Variants in KMO observed in about 807,000 individuals in gnomAD.
KMO encodes kynurenine 3-hydroxylase.
In KMO, 24 loss-of-function variants were observed where a neutral mutation model predicts 57.8. That is an observed-to-expected ratio of 0.42 (90% confidence interval 0.30 to 0.58). The LOEUF is 0.58. Ranked by LOEUF, KMO falls within the 20% of genes least tolerant of loss-of-function variation. The pLI is 0.22. For missense variants in KMO, 483 were observed against 588.2 expected, an observed-to-expected ratio of 0.82 and a Z score of 1.85; for synonymous variants, 210 against 193.6, an observed-to-expected ratio of 1.08 and a Z score of -0.70.
At chr1:241,574,392 T>C (rs891771397) in intron 10 of KMO, among the ~76,000 whole-genome samples, 1 of 152,126 alleles carries the variant, frequency 6.6e-6, no homozygotes, top group Admixed American at 6.5e-5. Context: ...CAGTATGATG[T>C]TGGCTGTGGA....
intron 14 of KMO, among the ~76,000 whole-genome samples, chr1:241,590,523 T>C (rs1206030171): frequency 1.3e-5 from 2 of 152,194 alleles, no homozygotes; most frequent in East Asian, 1.9e-4. Flanking sequence ...TTTACTTTAT[T>C]TTAGCAAGAT....
intron 5 of KMO, among the ~76,000 whole-genome samples, chr1:241,559,914 A>G (rs189116387): frequency 2.0e-5 from 3 of 152,264 alleles, no homozygotes; most frequent in Admixed American, 1.3e-4. Context: ...TCATCTCTGA[A>G]GTCTATTCCA....
chr1:241,549,225 G>GAA (rs1442252798), intron 2 of KMO, among the ~76,000 whole-genome samples: 2 of 9,454 alleles, frequency 2.1e-4, no homozygotes, highest in Non-Finnish European at 1.1e-3. Flanking sequence ...AAGAAAGAAA[G>GAA]AAAGAAAGAA....
intron 1 of KMO, among the ~76,000 whole-genome samples, 168 bp from the exon 2 acceptor site, chr1:241,548,661 T>C (rs969502284): frequency 6.6e-6 from 1 of 152,168 alleles, no homozygotes; most frequent in Non-Finnish European, 1.5e-5. Context: ...CACTGATACT[T>C]TTCAGCAGAA....
At chr1:241,541,777 A>C (rs1660966275) in intron 1 of KMO, among the ~76,000 whole-genome samples, 1 of 152,228 alleles carries the variant, frequency 6.6e-6, no homozygotes. Flanking sequence ...TAGAGTTAAC[A>C]GTCTGATTCT....
chr1:241,537,964 T>C (rs1013603662), intron 1 of KMO, among the ~76,000 whole-genome samples: 11 of 152,106 alleles, frequency 7.2e-5, no homozygotes, highest in African/African-American at 2.4e-4. Context: ...GAAGATTTTA[T>C]TCACAGGACA....
chr1:241,554,312 A>C, intron 4 of KMO, among the ~76,000 whole-genome samples: 1 of 142,976 alleles, frequency 7.0e-6, no homozygotes, highest in Non-Finnish European at 1.5e-5. Context: ...ACAGAGTCTC[A>C]CTCACTCTGT....
intron 1 of KMO, among the ~76,000 whole-genome samples, chr1:241,535,087 G>T (rs956071429): frequency 6.6e-6 from 1 of 151,900 alleles, no homozygotes; most frequent in African/African-American, 2.4e-5. Flanking sequence ...ATGAATAAAT[G>T]AGAGGAATGA....
chr1:241,588,462 G>C (rs749433540), intron 11 of KMO, among the ~76,000 whole-genome samples: 3 of 151,338 alleles, frequency 2.0e-5, no homozygotes, highest in Non-Finnish European at 2.9e-5. Flanking sequence ...GAGGTTGATA[G>C]AGGGTTTATG....
rs1425101563 is a variant in KMO, at chr1:241,592,423, T to C, written c.*270T>C. 4.7e-6 allele frequency: 2 copies of C among 428,518 alleles called. No individual in the cohort carries two copies. The highest frequency in any genetic ancestry group is 4.7e-5 in the East Asian group (1 of 21,340). The allele number at this position is 428,518 out of a possible 1,614,324, so 26.5% of individuals were successfully genotyped here. A position where few individuals can be genotyped will look rare whatever the true frequency, so the allele number is the denominator to read the frequency against. ...TGCAATGACTAAGATCCTTCACTTC[T>C]CTGAAAGTAAGGCCCTAGATGCCTC... On this transcript the variant is annotated 3_prime_UTR_variant, in exon 15 of 15. Transcript: ENST00000366559.
intron 7 of KMO, among the ~76,000 whole-genome samples, chr1:241,563,930 G>A (rs1455279236): frequency 6.6e-6 from 1 of 152,134 alleles, no homozygotes; most frequent in African/African-American, 2.4e-5. Flanking sequence ...AAGAGATTGG[G>A]TAAATGGCTT....
intron 1 of KMO, among the ~76,000 whole-genome samples, chr1:241,542,294 G>T (rs962592616): frequency 1.3e-5 from 2 of 152,130 alleles, no homozygotes; most frequent in Non-Finnish European, 2.9e-5. Context: ...TTTATAGAAA[G>T]GAAATATTCA....
intron 3 of KMO, 80 bp from the exon 4 acceptor site, chr1:241,550,875 C>A: frequency 1.5e-6 from 1 of 677,432 alleles, no homozygotes; most frequent in Non-Finnish European, 2.4e-6. Context: ...TATGAAATTA[C>A]ATTTAAAAAT....
chr1:241,534,724 C>T (rs888830118), intron 1 of KMO, among the ~76,000 whole-genome samples: 2 of 152,218 alleles, frequency 1.3e-5, no homozygotes, highest in Non-Finnish European at 2.9e-5. Context: ...CCAGCTTTAA[C>T]TCCTTTTCCC....
chr1:241,553,452 C>G (rs1661488121), intron 4 of KMO, among the ~76,000 whole-genome samples: 1 of 152,124 alleles, frequency 6.6e-6, no homozygotes, highest in Non-Finnish European at 1.5e-5. Flanking sequence ...TTTGGGAGGC[C>G]AAGGTAGGTG....
intron 10 of KMO, among the ~76,000 whole-genome samples, chr1:241,579,727 G>A (rs187430454): frequency 6.6e-6 from 1 of 152,106 alleles, no homozygotes; most frequent in African/African-American, 2.4e-5. Context: ...ACAAATCCAG[G>A]GCACCCAGCT....
intron 10 of KMO, among the ~76,000 whole-genome samples, chr1:241,570,856 C>T (rs1662252042): frequency 6.6e-6 from 1 of 152,070 alleles, no homozygotes; most frequent in Non-Finnish European, 1.5e-5. Flanking sequence ...TGCATTAAGT[C>T]TGTAGATTGC....
intron 1 of KMO, among the ~76,000 whole-genome samples, chr1:241,537,124 T>G (rs3014573): frequency 0.25 from 38,357 of 152,070 alleles, 5,348 homozygotes; most frequent in African/African-American, 0.36. Context: ...AGCTGGACAC[T>G]CAGGAAATCT....
chr1:241,554,613 A>G (rs1175156457), intron 4 of KMO, among the ~76,000 whole-genome samples: 1 of 151,276 alleles, frequency 6.6e-6, no homozygotes, highest in Non-Finnish European at 1.5e-5. Flanking sequence ...TAAAATCAAA[A>G]CATTTTTACA....
Sources: allele counts gnomAD v4.1 joint callset (sites outside exome capture counted in the v4.1 genomes callset), GRCh38; gene constraint gnomAD v4.1.1; transcripts MANE v1.5; gene names NCBI Gene and HGNC (gene_info 2026-07-23, HGNC 2026-07-21).